The following BCL2L14 variants were observed in gnomAD, a reference collection of about 807,000 sequenced individuals.
BCL2L14 encodes apoptosis facilitator Bcl-2-like protein 14.
BCL2L14 carries 27 observed loss-of-function variants against 35.3 expected under a neutral mutation model. The ratio of observed to expected loss-of-function variants is 0.76; its 90% CI spans 0.56 to 1.05. The LOEUF is 1.05. BCL2L14 is among the 50% of genes least tolerant of loss of function. The pLI is 0.00. For missense variants in BCL2L14, 377 were observed against 382.6 expected, an observed-to-expected ratio of 0.99 and a Z score of 0.12; for synonymous variants, 139 against 145.9, an observed-to-expected ratio of 0.95 and a Z score of 0.34.
upstream of BCL2L14, among the ~76,000 whole-genome samples, chr12:12,066,070 C>T (rs571990089): frequency 1.3e-5 from 2 of 152,270 alleles, no homozygotes; most frequent in African/African-American, 2.4e-5. Flanking sequence ...GAATTACAGG[C>T]GTGAGCCACC....
At chr12:12,083,089 C>T (rs1948963054) in intron 2 of BCL2L14, among the ~76,000 whole-genome samples, 1 of 152,088 alleles carries the variant, frequency 6.6e-6, no homozygotes, top group Non-Finnish European at 1.5e-5. Context: ...CTCAGCCTCC[C>T]GAGTAGCTGG....
chr12:12,061,159 T>C (rs1948519667), intron 2 of BCL2L14, among the ~76,000 whole-genome samples: 1 of 144,772 alleles, frequency 6.9e-6, no homozygotes. Context: ...TGAGACACTT[T>C]AACTAAATTA....
chr12:12,079,880 A>G, intron 2 of BCL2L14, 142 bp downstream of exon 2: 1 of 870,024 alleles, frequency 1.1e-6, no homozygotes, highest in Non-Finnish European at 1.7e-6. Context: ...ATTAGTGTTC[A>G]ATCATAATTG....
chr12:12,085,873 G>C (rs887553997), intron 2 of BCL2L14, among the ~76,000 whole-genome samples: 3 of 152,138 alleles, frequency 2.0e-5, no homozygotes, highest in Non-Finnish European at 2.9e-5. Flanking sequence ...CTAGGAGTTT[G>C]AGCACACCAA....
chr12:12,079,640 T>A lies in BCL2L14; in HGVS notation c.335T>A (p.Val112Asp), dbSNP rs779314583. 1.9e-6 allele frequency: 3 copies of A among 1,614,144 alleles called. No individual in the cohort carries two copies. The highest frequency in any genetic ancestry group is 1.7e-6 in the Non-Finnish European group (2 of 1,180,030). ...KEDSQSTPAKVSAQGQRTLEY... is the reference protein window; with the variant it reads ...KEDSQSTPAKDSAQGQRTLEY... ...GATTCGCAGAGCACGCCTGCCAAGG[T>A]CTCTGCTCAGGGTCAAAGGACGTTG... Residue 112 changes from valine (V) to aspartate (D), a missense_variant, in exon 2 of 6, where the codon GTC (valine) becomes GAC (aspartate). Physicochemically the swap from Val to Asp is radical, Grantham distance 152. Transcript: ENST00000308721.
chr12:12,055,645 C>T lies in BCL2L14; in HGVS notation c.-272+3798C>T, dbSNP rs552688873. The T allele has an allele frequency of 8.5e-5, 13 of 152,260 alleles. No homozygotes were observed. In the East Asian group the frequency reaches 2.3e-3, roughly 27 times the overall value. 9.4% of individuals were successfully genotyped at this position (152,260 alleles called of 1,614,324 possible). A position where few individuals can be genotyped will look rare whatever the true frequency, so the allele number is the denominator to read the frequency against. ...ACTCTCCTCATAGGCAGAACGCTTTCACTTCTCAGTCATTTCCAACTGAGA... is the reference window on the plus strand; with the variant it reads ...ACTCTCCTCATAGGCAGAACGCTTTTACTTCTCAGTCATTTCCAACTGAGA... On this transcript the variant is annotated intron_variant, in intron 2 of 3. Coordinates refer to the BCL2L14 transcript ENST00000461264.
At chr12:12,080,103 G>A (rs1403506812) in intron 2 of BCL2L14, among the ~76,000 whole-genome samples, 2 of 152,046 alleles carry the variant, frequency 1.3e-5, no homozygotes, top group African/African-American at 2.4e-5. Flanking sequence ...TACTCGGGAG[G>A]CTGAGGCAGG....
chr12:12,093,206 T>C (rs913993985), intron 4 of BCL2L14, among the ~76,000 whole-genome samples: 2 of 152,102 alleles, frequency 1.3e-5, no homozygotes, highest in African/African-American at 2.4e-5. Context: ...AATCAATGAA[T>C]TGGAGTTTTT....
intron 2 of BCL2L14, among the ~76,000 whole-genome samples, chr12:12,053,259 C>T (rs1232327239): frequency 6.6e-6 from 1 of 152,154 alleles, no homozygotes; most frequent in Non-Finnish European, 1.5e-5. Context: ...ATAACTTGCC[C>T]AAGTCCATAG....
intron 5 of BCL2L14, among the ~76,000 whole-genome samples, chr12:12,096,859 A>T (rs544264978): frequency 6.6e-6 from 1 of 152,346 alleles, no homozygotes; most frequent in Admixed American, 6.5e-5. Flanking sequence ...TACCAATTCC[A>T]GGGGCCGGGC....
intron 2 of BCL2L14, among the ~76,000 whole-genome samples, chr12:12,058,936 G>C (rs140298773): frequency 0.059 from 9,039 of 152,104 alleles, 371 homozygotes; most frequent in African/African-American, 0.1. Flanking sequence ...TCCAGTAAGC[G>C]GCCTCTTTTT....
At chr12:12,087,485 C>A in intron 3 of BCL2L14, 99 bp downstream of exon 3, 1 of 1,318,024 alleles carries the variant, frequency 7.6e-7, no homozygotes, top group Non-Finnish European at 1.1e-6. Flanking sequence ...ACAGTCTCCG[C>A]TGCCTGGACT....
At chr12:12,070,354 A>C (rs1341415800), upstream of BCL2L14, among the ~76,000 whole-genome samples, 1 of 152,164 alleles carries the variant, frequency 6.6e-6, no homozygotes, top group African/African-American at 2.4e-5. Flanking sequence ...CATCTGTGCA[A>C]TGGGAATCGT....
At chr12:12,060,238 T>G (rs1948502111) in intron 2 of BCL2L14, among the ~76,000 whole-genome samples, 1 of 151,500 alleles carries the variant, frequency 6.6e-6, no homozygotes, top group Non-Finnish European at 1.5e-5. Flanking sequence ...CTTGAAAAGG[T>G]GGCTGGAGCT....
At chr12:12,082,859 C>T (rs7961488) in intron 2 of BCL2L14, among the ~76,000 whole-genome samples, 55,737 of 151,946 alleles carry the variant, frequency 0.37, 10,539 homozygotes, top group East Asian at 0.51. Flanking sequence ...TTACTTGTGT[C>T]GGTTTTACAT....
At chr12:12,062,146 T>C (rs370500670) in intron 2 of BCL2L14, among the ~76,000 whole-genome samples, 4 of 151,660 alleles carry the variant, frequency 2.6e-5, no homozygotes, top group African/African-American at 4.9e-5. Context: ...TCATACCTGA[T>C]GCATATACTT....
Position 12,058,234 on chromosome 12 carries a change from G to C in BCL2L14, c.-272+6387G>C, listed in dbSNP as rs1476834196. ...CCCAAAGTGCTGGGATTACAGGCGTGAGTCATTGTGCCCAGACTCTTTTTT... is the reference window on the plus strand; with the variant it reads ...CCCAAAGTGCTGGGATTACAGGCGTCAGTCATTGTGCCCAGACTCTTTTTT... On this transcript the variant is annotated intron_variant, in intron 2 of 3. Transcript: ENST00000461264. Among the ~76,000 whole-genome samples the C allele has an allele frequency of 2.0e-5, 3 of 149,960 alleles. No homozygotes were observed. The South Asian group carries it at 6.4e-4, about 32-fold the overall frequency.
rs748221193 is a variant in BCL2L14 at position 12,090,844 on chromosome 12, A to G, written c.673A>G (p.Arg225Gly). 1.6e-5 allele frequency: 26 copies of G among 1,612,496 alleles called. No individual in the cohort carries two copies. The highest frequency in any genetic ancestry group is 2.0e-5 in the Non-Finnish European group (23 of 1,179,038). Reference protein sequence around the residue: ...LLKYSGDQLERKLKKDKALMG... With the variant: ...LLKYSGDQLEGKLKKDKALMG... ...GAAATATTCAGGAGATCAGTTGGAA[A>G]GAAAGGTATGGAACACCTTGAACTG... The change falls in exon 4 of 6, where the codon AGA becomes GGA. Residue 225 changes from arginine to glycine, a missense_variant. Transcript: ENST00000308721.
Position 12,094,731 on chromosome 12 carries a change from T to C in BCL2L14, c.746T>C (p.Ile249Thr). ...CTGTCCTACTCTGTTTTCAAGACCA[T>C]CACAGACCAGGTCCTAATGGGTGTG... is the stretch of plus-strand genomic sequence containing the variant. ...DGLSYSVFKT[I>T]TDQVLMGVDP... The change falls in exon 5 of 6, where the codon ATC (isoleucine) becomes ACC (threonine). Residue 249 changes from isoleucine to threonine, a missense_variant. Ile to Thr is a moderately conservative substitution (Grantham distance 89). Coordinates refer to ENST00000308721, the MANE Select transcript of BCL2L14 (RefSeq NM_138723.2). The C allele has an allele frequency of 6.2e-7, 1 of 1,614,170 alleles. No individual in the cohort carries two copies. The highest frequency in any genetic ancestry group is 8.5e-7 in the Non-Finnish European group (1 of 1,180,022).
Sources: allele counts gnomAD v4.1 joint callset (sites outside exome capture counted in the v4.1 genomes callset), GRCh38; gene constraint gnomAD v4.1.1; transcripts MANE v1.5; gene names NCBI Gene and HGNC (gene_info 2026-07-23, HGNC 2026-07-21).